NTRK3: variants seen among roughly 807,000 people sequenced by gnomAD.
NTRK3 encodes the protein NT-3 growth factor receptor.
In NTRK3, 24 loss-of-function variants were observed where a neutral mutation model predicts 91.7. The observed-to-expected ratio is 0.26, with a 90% CI of 0.19 to 0.37. The LOEUF is 0.37. Ranked by LOEUF, NTRK3 falls within the 10% of genes least tolerant of loss-of-function variation. The probability of loss-of-function intolerance (pLI) is 1.00; values close to 1 mark genes in which losing one functional copy is unlikely to be tolerated. For synonymous variants in NTRK3, 483 were observed against 404.0 expected (o/e 1.20, Z -2.34); for missense variants, 880 against 1,068.9 (o/e 0.82, Z 2.46).
chr15:88,038,032 G>A (rs189573657), intron 13 of NTRK3, among the ~76,000 whole-genome samples: 51 of 152,248 alleles, frequency 3.3e-4, no homozygotes, highest in African/African-American at 1.0e-3. Flanking sequence ...AGACTGTGGG[G>A]GAAAGAATTT....
chr15:87,916,310 A>T (rs74400676), intron 17 of NTRK3: 5 of 270,948 alleles, frequency 1.8e-5, no homozygotes, highest in African/African-American at 1.2e-4. Flanking sequence ...TGTCTCAGGA[A>T]AAAAAAAAAA....
intron 13 of NTRK3, among the ~76,000 whole-genome samples, chr15:88,122,561 G>A (rs1351125395): frequency 1.3e-5 from 2 of 152,156 alleles, no homozygotes; most frequent in Non-Finnish European, 1.5e-5. Flanking sequence ...AGCAGTAAAT[G>A]CAAATATAAG....
Position 88,136,055 on chromosome 15 carries a change from A to G in NTRK3, c.766-15T>C. On this transcript the variant is annotated splice_polypyrimidine_tract_variant and intron_variant, in intron 8 of 18. Transcript: ENST00000394480. Reference sequence around the variant, plus strand: ...TTCAGATTGGTCTGAAAACCCCAATAAAAAGATAACAATCAGATAGCTTCT... The same window carrying G: ...TTCAGATTGGTCTGAAAACCCCAATGAAAAGATAACAATCAGATAGCTTCT... 6.2e-7 allele frequency: 1 copy of G among 1,614,208 alleles called. No individual in the cohort carries two copies. Among genetic ancestry groups the G allele is most frequent in the Non-Finnish European group, 8.5e-7 (1 of 1,180,016 alleles).
At chr15:87,925,351 A>G (rs2068203353) in intron 17 of NTRK3, among the ~76,000 whole-genome samples, 1 of 152,142 alleles carries the variant, frequency 6.6e-6, no homozygotes, top group African/African-American at 2.4e-5. Flanking sequence ...TGAAAAAGAA[A>G]GACTATAAGG....
chr15:88,016,409 G>A (rs1182253955), intron 14 of NTRK3, among the ~76,000 whole-genome samples: 1 of 152,232 alleles, frequency 6.6e-6, no homozygotes, highest in Non-Finnish European at 1.5e-5. Flanking sequence ...ATCATGAATT[G>A]TTCCTAAATG....
rs1483221841 is a variant in NTRK3, at chr15:87,885,147, T to C, written c.2134-4719A>G. Among the ~76,000 whole-genome samples the C allele has an allele frequency of 3.3e-5, 5 of 151,772 alleles. No individual in the cohort carries two copies. The East Asian group carries it at 9.6e-4, about 29-fold the overall frequency. On this transcript the variant is annotated intron_variant, in intron 17 of 18. Coordinates refer to ENST00000394480, the Ensembl canonical transcript of NTRK3. ...AATGACTTCAAAATACAATGGAAAA[T>C]AAGATTATTTGTACAATAACAACAG...
chr15:88,114,429 A>C (rs4887361), intron 13 of NTRK3, among the ~76,000 whole-genome samples: 33,791 of 152,230 alleles, frequency 0.22, 3,968 homozygotes, highest in Non-Finnish European at 0.25. Context: ...ACAACAACAA[A>C]AAAAAATGGC....
intron 14 of NTRK3, among the ~76,000 whole-genome samples, chr15:87,981,529 C>A (rs1447487894): frequency 6.6e-6 from 1 of 152,132 alleles, no homozygotes; most frequent in African/African-American, 2.4e-5. Flanking sequence ...GTTTATTTTA[C>A]GCATAAAATC....
intron 4 of NTRK3, among the ~76,000 whole-genome samples, chr15:88,183,771 C>G (rs2046723793): frequency 6.6e-6 from 1 of 152,198 alleles, no homozygotes; most frequent in Non-Finnish European, 1.5e-5. Flanking sequence ...AGGGCTTCTG[C>G]TGGTCCAGTA....
intron 13 of NTRK3, among the ~76,000 whole-genome samples, chr15:88,066,530 A>G (rs962399850): frequency 6.6e-6 from 1 of 152,214 alleles, no homozygotes; most frequent in Non-Finnish European, 1.5e-5. Flanking sequence ...GCCAAACAGT[A>G]TAGGAACATT....
chr15:88,228,602 C>A (rs1014957226), intron 3 of NTRK3, among the ~76,000 whole-genome samples: 1 of 152,176 alleles, frequency 6.6e-6, no homozygotes, highest in Non-Finnish European at 1.5e-5. Context: ...CAGAAACAGA[C>A]CCTCCTCCAG....
At chr15:88,158,169 C>T (rs186455998) in intron 5 of NTRK3, among the ~76,000 whole-genome samples, 117 of 152,292 alleles carry the variant, frequency 7.7e-4, no homozygotes, top group Non-Finnish European at 5.4e-4. Context: ...GGGGTATGGA[C>T]GGCAGCTGAC....
At chr15:88,154,905 T>G (rs894948985) in intron 5 of NTRK3, among the ~76,000 whole-genome samples, 1 of 152,200 alleles carries the variant, frequency 6.6e-6, no homozygotes, top group Non-Finnish European at 1.5e-5. Flanking sequence ...CATAGAATCT[T>G]CTCCATGGAG....
chr15:87,986,680 C>A (rs1165810997), intron 14 of NTRK3, among the ~76,000 whole-genome samples: 1 of 152,220 alleles, frequency 6.6e-6, no homozygotes, highest in South Asian at 2.1e-4. Flanking sequence ...GCCTATTCTG[C>A]CAACTGACAC....
intron 14 of NTRK3, among the ~76,000 whole-genome samples, chr15:87,962,711 C>T (rs1471480283): frequency 6.6e-6 from 1 of 152,204 alleles, no homozygotes; most frequent in Admixed American, 6.5e-5. Context: ...TCAATCTCTA[C>T]TGCCATGCCC....
At chr15:87,888,354 C>A (rs967662234) in intron 17 of NTRK3, among the ~76,000 whole-genome samples, 2 of 152,136 alleles carry the variant, frequency 1.3e-5, no homozygotes, top group African/African-American at 4.8e-5. Context: ...ACCCAGAGAC[C>A]AGATGGGTTC....
Position 88,235,129 on chromosome 15 carries a change from C to T in NTRK3, c.248+20777G>A, listed in dbSNP as rs2051576786. On this transcript the variant is annotated intron_variant, in intron 3 of 18. Transcript: ENST00000394480. This position sits in a 1 kb window ranked among gnomAD's most constrained non-coding sequence, Gnocchi z 5.2. ...CATAACAGAGCACTCTGTTGAGTAC[C>T]TTCACGGAACTTCTTACTCCTGATA... Among the ~76,000 whole-genome samples the T allele has an allele frequency of 6.6e-6, 1 of 152,200 alleles. No individual in the cohort carries two copies. Among genetic ancestry groups the T allele is most frequent in the South Asian group, 2.1e-4 (1 of 4,836 alleles).
intron 13 of NTRK3, 111 bp downstream of exon 13, chr15:88,126,160 C>A: frequency 1.3e-6 from 1 of 791,382 alleles, no homozygotes; most frequent in South Asian, 1.5e-5. Flanking sequence ...AGTTAGACCC[C>A]ATGACCGGAG....
intron 13 of NTRK3, among the ~76,000 whole-genome samples, chr15:88,069,688 C>T (rs954838651): frequency 6.6e-6 from 1 of 152,212 alleles, no homozygotes; most frequent in African/African-American, 2.4e-5. Context: ...GAAATTGGCA[C>T]AGAACACGTA....
Sources: gnomAD v4.1 joint callset for allele counts (sites outside exome capture counted in the v4.1 genomes callset) on GRCh38, gnomAD v4.1.1 for gene constraint, Gnocchi (gnomAD v3.1) non-coding constraint, MANE v1.5 for transcripts, NCBI Gene and HGNC (gene_info 2026-07-23, HGNC 2026-07-21) for gene names.